Variants in SMCO2 observed in about 807,000 individuals in gnomAD.
The protein encoded by SMCO2 is single-pass membrane protein with coiled-coil domains 2.
A neutral mutation model predicts 29.5 loss-of-function variants in SMCO2; 25 were observed. The observed-to-expected ratio is 0.85, with a 90% CI of 0.62 to 1.18. The LOEUF (loss-of-function observed/expected upper bound fraction) is 1.18. Among genes scored for constraint, SMCO2 ranks in the 50% most tolerant of loss-of-function variants. The pLI is 0.00. For missense variants in SMCO2, 348 were observed against 344.5 expected, an observed-to-expected ratio of 1.01 and a Z score of -0.08; for synonymous variants, 117 against 123.3, an observed-to-expected ratio of 0.95 and a Z score of 0.34.
Position 27,472,369 on chromosome 12 carries a change from G to C in SMCO2, c.135-407G>C, listed in dbSNP as rs189625967. ...ACATTGTGAGGAGGACAGCTGGCGGGGTGGAGATCAAGAGGGCACTGTAGA... is the reference window on the plus strand; with the variant it reads ...ACATTGTGAGGAGGACAGCTGGCGGCGTGGAGATCAAGAGGGCACTGTAGA... On this transcript the variant is annotated intron_variant, in intron 2 of 7. Coordinates refer to ENST00000298876, the Ensembl canonical transcript of SMCO2. 2.9e-3 allele frequency among the ~76,000 whole-genome samples: 436 copies of C among 152,154 alleles called. 3 individuals carry two copies. Among genetic ancestry groups the C allele is most frequent in the Non-Finnish European group, 4.8e-3 (325 of 67,992 alleles).
chr12:27,427,141 G>A, the SMCO2 span, among the ~76,000 whole-genome samples: 1 of 152,192 alleles, frequency 6.6e-6, no homozygotes, highest in African/African-American at 2.4e-5. Flanking sequence ...GGGAAGGTCA[G>A]GCTTTAACTT....
chr12:27,446,902 C>T, the SMCO2 span, among the ~76,000 whole-genome samples: 1 of 152,282 alleles, frequency 6.6e-6, no homozygotes, highest in South Asian at 2.1e-4. Flanking sequence ...GGTCCAGGGA[C>T]CATGCTTTAA....
At chr12:27,461,620 CTTAT>C in the SMCO2 span, among the ~76,000 whole-genome samples, 2 of 152,224 alleles carry the variant, frequency 1.3e-5, no homozygotes, top group East Asian at 3.8e-4. Context: ...TGAATATTTA[CTTAT>C]ATAAATGTGT....
chr12:27,429,217 T>C, the SMCO2 span, among the ~76,000 whole-genome samples: 5 of 152,120 alleles, frequency 3.3e-5, no homozygotes, highest in Non-Finnish European at 2.9e-5. Context: ...GTAAAAGAAC[T>C]TTACATTCAT....
At chr12:27,457,141 G>T in the SMCO2 span, among the ~76,000 whole-genome samples, 1 of 151,852 alleles carries the variant, frequency 6.6e-6, no homozygotes, top group African/African-American at 2.4e-5. Context: ...TGGCTACCCC[G>T]ATCAGTTTCT....
At chr12:27,478,497 C>A (rs1212732541) in intron 4 of SMCO2, among the ~76,000 whole-genome samples, 1 of 152,172 alleles carries the variant, frequency 6.6e-6, no homozygotes, top group Non-Finnish European at 1.5e-5. Flanking sequence ...ATAGTAGCAG[C>A]AGGCCAATCC....
the SMCO2 span, among the ~76,000 whole-genome samples, chr12:27,426,831 A>G: frequency 6.6e-6 from 1 of 152,220 alleles, no homozygotes; most frequent in Non-Finnish European, 1.5e-5. Flanking sequence ...GGTGTTTGGG[A>G]AGACGTATAT....
At chr12:27,442,737 T>G in the SMCO2 span, among the ~76,000 whole-genome samples, 38 of 152,206 alleles carry the variant, frequency 2.5e-4, no homozygotes, top group Admixed American at 4.6e-4. Flanking sequence ...CTTTCTGCCT[T>G]GGCTACCTGA....
the SMCO2 span, among the ~76,000 whole-genome samples, chr12:27,459,614 C>A: frequency 5.3e-5 from 8 of 152,118 alleles, no homozygotes; most frequent in Non-Finnish European, 1.2e-4. Context: ...TACCCCGGAA[C>A]CAAAAATAAA....
intron 4 of SMCO2, among the ~76,000 whole-genome samples, chr12:27,479,050 G>T (rs1949616743): frequency 6.6e-6 from 1 of 152,194 alleles, no homozygotes; most frequent in African/African-American, 2.4e-5. Context: ...CAGGACTGTT[G>T]TCAGGCCCCT....
chr12:27,474,864 C>A, exon 4 of SMCO2: 1 of 1,551,424 alleles, frequency 6.4e-7, no homozygotes, highest in Non-Finnish European at 8.7e-7. Context: ...TGATGAGGAC[C>A]CTCAAGCGTC....
At chr12:27,452,732 C>T in the SMCO2 span, among the ~76,000 whole-genome samples, 17 of 152,180 alleles carry the variant, frequency 1.1e-4, no homozygotes, top group African/African-American at 4.1e-4. Context: ...AAGCAGTCCT[C>T]CCACCTCAGA....
chr12:27,433,081 G>A, the SMCO2 span, among the ~76,000 whole-genome samples: 1,184 of 152,114 alleles, frequency 7.8e-3, 8 homozygotes, highest in Non-Finnish European at 0.012. Flanking sequence ...ATTCTACATC[G>A]TAACTATCTT....
chr12:27,463,688 A>G (rs1030321954), upstream of SMCO2, among the ~76,000 whole-genome samples: 2 of 152,210 alleles, frequency 1.3e-5, no homozygotes, highest in African/African-American at 4.8e-5. Context: ...CCAACCCACC[A>G]CGGAAATTGG....
intron 1 of SMCO2, 55 bp from the exon 2 acceptor site, chr12:27,470,567 T>C: frequency 6.5e-7 from 1 of 1,527,808 alleles, no homozygotes; most frequent in Non-Finnish European, 8.8e-7. Context: ...ATGAAGAGGA[T>C]GTGGTTGCCA....
At chr12:27,465,418 G>T (rs1949491171), upstream of SMCO2, among the ~76,000 whole-genome samples, 1 of 152,198 alleles carries the variant, frequency 6.6e-6, no homozygotes, top group African/African-American at 2.4e-5. Context: ...CATGATATAA[G>T]GTGGGGACTG....
At chr12:27,470,342 T>C (rs960670876) in intron 1 of SMCO2, among the ~76,000 whole-genome samples, 1 of 152,198 alleles carries the variant, frequency 6.6e-6, no homozygotes, top group African/African-American at 2.4e-5. Context: ...AGGCTGGTTA[T>C]TATATATTCC....
At chr12:27,498,917 A>G (rs1371757794) in intron 7 of SMCO2, among the ~76,000 whole-genome samples, 2 of 150,668 alleles carry the variant, frequency 1.3e-5, no homozygotes, top group East Asian at 3.9e-4. Flanking sequence ...TAAGATGACT[A>G]CAGTAAAAAA....
At chr12:27,465,523 G>A (rs542248595), upstream of SMCO2, among the ~76,000 whole-genome samples, 2 of 152,306 alleles carry the variant, frequency 1.3e-5, no homozygotes, top group East Asian at 1.9e-4. Context: ...CCGTAAGAAA[G>A]GTGACACATC....
Sources: gnomAD v4.1 joint callset for allele counts (sites outside exome capture counted in the v4.1 genomes callset) on GRCh38, gnomAD v4.1.1 for gene constraint, MANE v1.5 for transcripts, NCBI Gene and HGNC (gene_info 2026-07-23, HGNC 2026-07-21) for gene names.